Variants in COL7A1 observed in about 807,000 individuals in gnomAD.
The protein encoded by COL7A1 is collagen alpha-1(VII) chain.
A neutral mutation model predicts 456.2 loss-of-function variants in COL7A1; 296 were observed. That is an observed-to-expected ratio of 0.65 (90% CI 0.59 to 0.71). The LOEUF is 0.71. Ranked by LOEUF, COL7A1 falls within the 30% of genes least tolerant of loss-of-function variation. COL7A1 has a pLI of 0.00. For synonymous variants in COL7A1, 1,464 were observed against 1,525.9 expected (o/e 0.96, Z 0.95); for missense variants, 3,441 against 4,017.2 (o/e 0.86, Z 3.88).
chr3:48,572,712 C>T lies in COL7A1; in HGVS notation c.6859G>A (p.Gly2287Arg), dbSNP rs121912839. 2 of 1,608,732 alleles carry T rather than the reference C, an allele frequency of 1.2e-6. No individual in the cohort carries two copies. The highest frequency in any genetic ancestry group is 8.5e-7 in the Non-Finnish European group (1 of 1,177,604). ...PGSPGLPGPVGPKGEPGPTGA... is the reference protein window; with the variant it reads ...PGSPGLPGPVRPKGEPGPTGA... ...GTGGGGCCAGGTTCTCCTTTAGGTC[C>T]GACAGGGCCAGGCAGACCTGGTGAC... is the stretch of plus-strand genomic sequence containing the variant. The change falls in exon 88 of 119, where the codon GGA (glycine) becomes AGA (arginine). Residue 2287 changes from glycine to arginine, a missense_variant. Physicochemically the swap from Gly to Arg is moderately radical, Grantham distance 125. Coordinates refer to ENST00000681320, the MANE Select transcript of COL7A1 (RefSeq NM_000094.4). This position sits in a 1 kb window ranked among gnomAD's most constrained non-coding sequence, Gnocchi z 4.6.
Position 48,581,707 on chromosome 3 carries a change from C to A in COL7A1, c.4721G>T (p.Arg1574Leu). The A allele has an allele frequency of 2.5e-6, 4 of 1,614,078 alleles. No individual in the cohort carries two copies. Among genetic ancestry groups the A allele is most frequent in the Non-Finnish European group, 3.4e-6 (4 of 1,180,020 alleles). ...CCCTAAACACTTCGCTTCACTTACC[C>A]GTTCCCCTTGGACTCCGGTAGCTCC... ...PRGATGVQGERGPPGLVLPGD... is the reference protein window; with the variant it reads ...PRGATGVQGELGPPGLVLPGD... Residue 1574 changes from arginine to leucine, a missense_variant and splice_region_variant, in exon 49 of 119, where the codon CGG (arginine) becomes CTG (leucine). Physicochemically the swap from Arg to Leu is moderately radical, Grantham distance 102 (BLOSUM62 -2). Coordinates refer to ENST00000681320, the MANE Select transcript of COL7A1 (RefSeq NM_000094.4). This position sits in a 1 kb window ranked among gnomAD's most constrained non-coding sequence, Gnocchi z 5.8.
rs1488877669 is a variant in COL7A1, at chr3:48,572,940, C to T, written c.6753G>A (p.Gly2251=). The change falls in exon 87 of 119, where the codon GGG becomes GGA. Residue 2251 remains glycine (G), a splice_region_variant and synonymous_variant. Transcript: ENST00000681320. This position sits in a 1 kb window ranked among gnomAD's most constrained non-coding sequence, Gnocchi z 4.6. ...QGSPGLPGQV[G]ETGKPGAPGR... ...CTGGGGCTCCCGGCTTCCCTGTCTC[C>T]CCCTGAGAGGGAAGAGCTCTGTCAG... 6.2e-7 allele frequency: 1 copy of T among 1,614,020 alleles called. No individual in the cohort carries two copies. The highest frequency in any genetic ancestry group is 2.2e-5 in the East Asian group (1 of 44,866).
rs2107800751 is a variant in COL7A1, at chr3:48,593,480, T to A, written c.427-31A>T. The stretch of plus-strand genomic sequence containing the variant: ...ACAGGTGCAGGGGTCAAATCACGGT[T>A]CCCCTGGACACTTCATTTGGGGTCA... On this transcript the variant is annotated intron_variant, in intron 4 of 118. Coordinates refer to ENST00000681320, the MANE Select transcript of COL7A1 (RefSeq NM_000094.4). The surrounding 1 kb of genome is among the most constrained non-coding windows in gnomAD (Gnocchi z 4.4). 1 of 1,613,954 alleles carries A rather than the reference T, an allele frequency of 6.2e-7. No individual in the cohort carries two copies. Among genetic ancestry groups the A allele is most frequent in the East Asian group, 2.2e-5 (1 of 44,886 alleles).
rs371875773 is a variant in COL7A1 at position 48,565,012 on chromosome 3, G to A, written c.8621-32C>T. 2.5e-6 allele frequency: 4 copies of A among 1,613,928 alleles called. No homozygotes were observed. Among genetic ancestry groups the A allele is most frequent in the Non-Finnish European group, 3.4e-6 (4 of 1,179,802 alleles). ...CAATGGGGTCAAGTCAGCAGGGTTT[G>A]TGGGAATCAGAGAGGGTTGAAAGGT... On this transcript the variant is annotated intron_variant, in intron 117 of 118. Transcript: ENST00000681320. The surrounding 1 kb of genome is among the most constrained non-coding windows in gnomAD (Gnocchi z 4.5).
In COL7A1 at chr3:48,571,844, G is replaced by A; in HGVS notation, c.7068+157C>T. 1 of 898,960 alleles carries A rather than the reference G, an allele frequency of 1.1e-6. No homozygotes were observed. The highest frequency in any genetic ancestry group is 1.7e-6 in the Non-Finnish European group (1 of 571,824). The allele number at this position is 898,960 out of a possible 1,614,324, so 55.7% of individuals were successfully genotyped here. Reference sequence around the variant, plus strand: ...AGCTCAGAGTGTGGAAGCCGACAGTGTGTGGCTCCCTGTGATCCAGAGAGC... The same window carrying A: ...AGCTCAGAGTGTGGAAGCCGACAGTATGTGGCTCCCTGTGATCCAGAGAGC... On this transcript the variant is annotated intron_variant, in intron 92 of 118. Transcript: ENST00000681320. This position sits in a 1 kb window ranked among gnomAD's most constrained non-coding sequence, Gnocchi z 4.6.
chr3:48,588,196 A>T lies in COL7A1; in HGVS notation c.2710+86T>A. 6.3e-7 allele frequency: 1 copy of T among 1,599,626 alleles called. No homozygotes were observed. On this transcript the variant is annotated intron_variant, in intron 21 of 118. Coordinates refer to ENST00000681320, the MANE Select transcript of COL7A1 (RefSeq NM_000094.4). The surrounding 1 kb of genome is among the most constrained non-coding windows in gnomAD (Gnocchi z 4.6). ...AGACCCCCAGTGACAGACCCCGCCCACCATCACTGTCCTCGCCTACCTTGC... is the reference window on the plus strand; with the variant it reads ...AGACCCCCAGTGACAGACCCCGCCCTCCATCACTGTCCTCGCCTACCTTGC...
Position 48,586,675 on chromosome 3 carries a change from A to G in COL7A1, c.3291T>C (p.Ser1097=). 6.3e-7 allele frequency: 1 copy of G among 1,597,002 alleles called. No individual in the cohort carries two copies. Among genetic ancestry groups the G allele is most frequent in the Non-Finnish European group, 8.5e-7 (1 of 1,171,450 alleles). ...ACAGTGGGGAGGGCCGATGACTGTA[A>G]GACAGCAGGCCAACCTGGGGTGGAA... ...GPQAVQVGLL[S]YSHRPSPLFP... is the part of the protein sequence containing the mutation. Residue 1097 remains serine, a synonymous_variant, in exon 26 of 119, where the codon TCT becomes TCC. Transcript: ENST00000681320. The surrounding 1 kb of genome is among the most constrained non-coding windows in gnomAD (Gnocchi z 5.1).
In COL7A1 at chr3:48,590,251, C is replaced by G. The variant is rs192754202; in HGVS notation, c.2012G>C (p.Arg671Thr). 3 of 1,613,848 alleles carry G rather than the reference C, an allele frequency of 1.9e-6. No individual in the cohort carries two copies. The highest frequency in any genetic ancestry group is 1.7e-6 in the Non-Finnish European group (2 of 1,179,964). ...YQVAVSVLRG[R>T]EEGPAAVIVA... ...GATGACTGCAGCAGGGCCCTCCTCT[C>G]TGCCTCGCAGTACCGACACAGCCAC... Residue 671 changes from arginine to threonine, a missense_variant, in exon 16 of 119, where the codon AGA becomes ACA. Coordinates refer to ENST00000681320, the MANE Select transcript of COL7A1 (RefSeq NM_000094.4). This position sits in a 1 kb window ranked among gnomAD's most constrained non-coding sequence, Gnocchi z 4.6.
At position 48,574,593 on chromosome 3, in the gene COL7A1, C is replaced by T. The variant is rs201480950; in HGVS notation, c.6394-43G>A. On this transcript the variant is annotated intron_variant, in intron 78 of 118. Coordinates refer to ENST00000681320, the MANE Select transcript of COL7A1 (RefSeq NM_000094.4). The surrounding 1 kb of genome is among the most constrained non-coding windows in gnomAD (Gnocchi z 5.0). ...TGCCCTGAGCCCCCAGTCCCTGCCA[C>T]GTGCCCAGGTGCATATGCACACCAC... The T allele has an allele frequency of 4.3e-6, 7 of 1,613,882 alleles. No individual in the cohort carries two copies. Among genetic ancestry groups the T allele is most frequent in the Middle Eastern group, 3.3e-4 (2 of 6,062 alleles).
In COL7A1 at chr3:48,586,315, A is replaced by C; in HGVS notation, c.3550+17T>G. 1 of 1,613,764 alleles carries C rather than the reference A, an allele frequency of 6.2e-7. No individual in the cohort carries two copies. Among genetic ancestry groups the C allele is most frequent in the Non-Finnish European group, 8.5e-7 (1 of 1,179,952 alleles). On this transcript the variant is annotated intron_variant, in intron 27 of 118. Coordinates refer to ENST00000681320, the MANE Select transcript of COL7A1 (RefSeq NM_000094.4). The surrounding 1 kb of genome is among the most constrained non-coding windows in gnomAD (Gnocchi z 5.1). The stretch of plus-strand genomic sequence containing the variant: ...ACCCCTATTCCCAGACCCCTTCCCC[A>C]TCAGCCTACTCCTTACCAGAAGCCT...
In COL7A1 at chr3:48,581,058, C is replaced by G; in HGVS notation, c.4935+64G>C. ...AGTGGATGGATGAACTGGTGGAGCA[C>G]CAGCCTACTGGGATCCTAGTTCAAG... On this transcript the variant is annotated intron_variant, in intron 53 of 118. Transcript: ENST00000681320. This position sits in a 1 kb window ranked among gnomAD's most constrained non-coding sequence, Gnocchi z 5.8. 6.2e-7 allele frequency: 1 copy of G among 1,608,052 alleles called. No individual in the cohort carries two copies. The highest frequency in any genetic ancestry group is 8.5e-7 in the Non-Finnish European group (1 of 1,174,974).
At position 48,580,994 on chromosome 3, in the gene COL7A1, C is replaced by A. The variant is rs1164458524; in HGVS notation, c.4936-68G>T. 6.2e-7 allele frequency: 1 copy of A among 1,606,966 alleles called. No homozygotes were observed. Among genetic ancestry groups the A allele is most frequent in the Non-Finnish European group, 8.5e-7 (1 of 1,174,690 alleles). On this transcript the variant is annotated intron_variant, in intron 53 of 118. Coordinates refer to ENST00000681320, the MANE Select transcript of COL7A1 (RefSeq NM_000094.4). The surrounding 1 kb of genome is among the most constrained non-coding windows in gnomAD (Gnocchi z 4.5). ...ATCTAACTCACTCAGGGAGAGGGGA[C>A]AGAGAAGGGTCTGAGCAGCAGCTGG... is the stretch of plus-strand genomic sequence containing the variant.
At position 48,569,533 on chromosome 3, in the gene COL7A1, GC is replaced by G; in HGVS notation, c.7614+58del. 2 of 1,612,968 alleles carry G rather than the reference GC, an allele frequency of 1.2e-6. No homozygotes were observed. The highest frequency in any genetic ancestry group is 2.2e-5 in the East Asian group (1 of 44,864). ...TTGAGCTCTCAGATGCCCTGGGCCA[GC>G]CCCACGGGGTCCCTCTCGCACCCAG... On this transcript the variant is annotated intron_variant, in intron 102 of 118. Transcript: ENST00000681320. The surrounding 1 kb of genome is among the most constrained non-coding windows in gnomAD (Gnocchi z 4.9).
chr3:48,576,237 A>C lies in COL7A1; in HGVS notation c.5820+12T>G. ...AAAACAGAGTCAAGGGGACATCCCA[A>C]GCCTGGCTCACCGGCACACTTCCAG... On this transcript the variant is annotated intron_variant, in intron 71 of 118. Coordinates refer to ENST00000681320, the MANE Select transcript of COL7A1 (RefSeq NM_000094.4). The C allele has an allele frequency of 2.5e-6, 4 of 1,613,596 alleles. No homozygotes were observed. Among genetic ancestry groups the C allele is most frequent in the Non-Finnish European group, 2.5e-6 (3 of 1,180,022 alleles).
chr3:48,585,798 A>G lies in COL7A1; in HGVS notation c.3786+32T>C, dbSNP rs1020962827. On this transcript the variant is annotated intron_variant, in intron 30 of 118. Transcript: ENST00000681320. This position sits in a 1 kb window ranked among gnomAD's most constrained non-coding sequence, Gnocchi z 4.5. ...CTCCTGCCCCACTGACACTCAACCC[A>G]TTCTCTATTCCCCGCCCGCAGGGGC... 1 of 1,613,980 alleles carries G rather than the reference A, an allele frequency of 6.2e-7. No homozygotes were observed. The highest frequency in any genetic ancestry group is 8.5e-7 in the Non-Finnish European group (1 of 1,179,980).
chr3:48,582,037 C>A, intron 47 of COL7A1, 94 bp from the exon 48 acceptor site: 1 of 1,560,424 alleles, frequency 6.4e-7, no homozygotes, highest in South Asian at 1.1e-5. Flanking sequence ...AATTGGAAGT[C>A]ATACAGCTCA....
chr3:48,581,360 G>A lies in COL7A1; in HGVS notation c.4819-20C>T. The stretch of plus-strand genomic sequence containing the variant: ...GTCACCCTGTGGAGGAGGCAAGAGG[G>A]AGGTGATGCAGGACGCTCGAAGCAA... On this transcript the variant is annotated intron_variant, in intron 51 of 118. Transcript: ENST00000681320. The surrounding 1 kb of genome is among the most constrained non-coding windows in gnomAD (Gnocchi z 5.8). The A allele has an allele frequency of 6.2e-7, 1 of 1,613,780 alleles. No individual in the cohort carries two copies. The highest frequency in any genetic ancestry group is 1.7e-5 in the Admixed American group (1 of 60,020).
Position 48,568,656 on chromosome 3 carries a change from G to GT in COL7A1, c.7759-123dup, listed in dbSNP as rs2043728568. On this transcript the variant is annotated intron_variant, in intron 104 of 118. Coordinates refer to ENST00000681320, the MANE Select transcript of COL7A1 (RefSeq NM_000094.4). The surrounding 1 kb of genome is among the most constrained non-coding windows in gnomAD (Gnocchi z 5.2). ...GGCCCAGGCCACACACAGATCCCGG[G>GT]TGAACACACATGGGGCCGGCAGCAA... The GT allele has an allele frequency of 6.7e-7, 1 of 1,482,046 alleles. No homozygotes were observed. The highest frequency in any genetic ancestry group is 1.4e-5 in the African/African-American group (1 of 71,736). 91.8% of individuals were successfully genotyped at this position (1,482,046 alleles called of 1,614,324 possible).
In COL7A1 at chr3:48,579,795, G is replaced by C; in HGVS notation, c.5144C>G (p.Ala1715Gly). 1 of 1,614,026 alleles carries C rather than the reference G, an allele frequency of 6.2e-7. No homozygotes were observed. Among genetic ancestry groups the C allele is most frequent in the Non-Finnish European group, 8.5e-7 (1 of 1,180,014 alleles). ...PGRLVDTGPG[A>G]REKGEPGDRG... ...CACAGACCCTAATACCTTCTCTCTG[G>C]CTCCAGGTCCTGTGTCTACCTGTGG... The change falls in exon 58 of 119, where the codon GCC (alanine) becomes GGC (glycine). Residue 1715 changes from alanine to glycine, a missense_variant. Ala to Gly is a moderately conservative substitution (Grantham distance 60). This residue lies in a region of COL7A1 where 2,084 missense variants were observed against 2,501.3 expected (regional missense o/e 0.83). Coordinates refer to ENST00000681320, the MANE Select transcript of COL7A1 (RefSeq NM_000094.4). This position sits in a 1 kb window ranked among gnomAD's most constrained non-coding sequence, Gnocchi z 4.4.
Sources: allele counts gnomAD v4.1 joint callset, GRCh38; gene constraint gnomAD v4.1.1; regional missense constraint gnomAD v4.1.1; non-coding constraint Gnocchi (gnomAD v3.1); transcripts MANE v1.5; gene names NCBI Gene and HGNC (gene_info 2026-07-23, HGNC 2026-07-21).